The following VASN variants were observed in gnomAD, a reference collection of about 807,000 sequenced individuals.
The protein encoded by VASN is vasorin.
VASN carries 5 observed loss-of-function variants against 4.8 expected under a neutral mutation model. The ratio of observed to expected loss-of-function variants is 1.03; its 90% CI spans 0.54 to 2.17. VASN has a LOEUF of 2.17. Among genes scored for constraint, VASN ranks in the 30% most tolerant of loss-of-function variants. The pLI is 0.01. For missense variants in VASN, 927 were observed against 948.8 expected, an observed-to-expected ratio of 0.98 and a Z score of 0.30; for synonymous variants, 499 against 460.8, an observed-to-expected ratio of 1.08 and a Z score of -1.06.
At chr16:4,374,477 A>G (rs934037041) in intron 1 of VASN, among the ~76,000 whole-genome samples, 3 of 152,090 alleles carry the variant, frequency 2.0e-5, no homozygotes, top group African/African-American at 4.8e-5. Context: ...GGGGAATGCA[A>G]TAAGGTTCTG....
chr16:4,381,380 T>C lies in VASN; in HGVS notation c.503T>C (p.Leu168Pro). The C allele has an allele frequency of 6.3e-7, 1 of 1,585,408 alleles. No individual in the cohort carries two copies. The change falls in exon 2 of 2, where the codon CTG becomes CCG. Residue 168 changes from leucine to proline, a missense_variant. Physicochemically the swap from Leu to Pro is moderately conservative, Grantham distance 98 (BLOSUM62 -3). Coordinates refer to ENST00000304735, the MANE Select transcript of VASN (RefSeq NM_138440.3). ...CTGCGGGCACTGCCCCCGCTGCGCCTGCCCCGCCTGCTGCTGCTGGACCTC... is the reference window on the plus strand; with the variant it reads ...CTGCGGGCACTGCCCCCGCTGCGCCCGCCCCGCCTGCTGCTGCTGGACCTC... ...NELRALPPLR[L>P]PRLLLLDLSH...
In VASN at chr16:4,382,676, G is replaced by A. The variant is rs766817153; in HGVS notation, c.1799G>A (p.Arg600Gln). The A allele has an allele frequency of 2.4e-5, 37 of 1,546,704 alleles. No individual in the cohort carries two copies. Among genetic ancestry groups the A allele is most frequent in the Middle Eastern group, 3.5e-4 (2 of 5,786 alleles). The change falls in exon 2 of 2, where the codon CGG becomes CAG. Residue 600 changes from arginine (R) to glutamine (Q), a missense_variant. Transcript: ENST00000304735. ...GCGGTGGGGGCAGCCTACTGTGTGC[G>A]GCGGGGGCGGGCCATGGCAGCAGCG... The part of the protein sequence containing the change: ...LAAVGAAYCV[R>Q]RGRAMAAAAQ...
At position 4,381,434 on chromosome 16, in the gene VASN, C is replaced by T; in HGVS notation, c.557C>T (p.Pro186Leu). ...LSHNSLLALE[P>L]GILDTANVEA... ...CACAACAGCCTCCTGGCCCTGGAGC[C>T]CGGCATCCTGGACACTGCCAACGTG... is the stretch of plus-strand genomic sequence containing the variant. The change falls in exon 2 of 2, where the codon CCC (proline) becomes CTC (leucine). Residue 186 changes from proline to leucine, a missense_variant. Physicochemically the swap from Pro to Leu is moderately conservative, Grantham distance 98. Transcript: ENST00000304735. The T allele has an allele frequency of 6.3e-7, 1 of 1,580,138 alleles. No individual in the cohort carries two copies. Among genetic ancestry groups the T allele is most frequent in the East Asian group, 2.3e-5 (1 of 42,772 alleles).
Position 4,382,912 on chromosome 16 carries a change from C to G in VASN, c.*13C>G, listed in dbSNP as rs1291165739. The G allele has an allele frequency of 2.7e-6, 4 of 1,489,756 alleles. No homozygotes were observed. Among genetic ancestry groups the G allele is most frequent in the Non-Finnish European group, 3.6e-6 (4 of 1,120,502 alleles). The allele number at this position is 1,489,756 out of a possible 1,614,324, so 92.3% of individuals were successfully genotyped here. A position where few individuals can be genotyped will look rare whatever the true frequency, so the allele number is the denominator to read the frequency against. ...GCCCTACATCTAAGCCAGAGAGAGA[C>G]AGGGCAGCTGGGGCCGGGCTCTCAG... On this transcript the variant is annotated 3_prime_UTR_variant, in exon 2 of 2. Coordinates refer to ENST00000304735, the MANE Select transcript of VASN (RefSeq NM_138440.3).
rs762870692 is a variant in VASN at position 4,381,370 on chromosome 16, C to G, written c.493C>G (p.Pro165Ala). ...LQDNELRALP[P>A]LRLPRLLLLD... ...GGACAACGAGCTGCGGGCACTGCCCCCGCTGCGCCTGCCCCGCCTGCTGCT... is the reference window on the plus strand; with the variant it reads ...GGACAACGAGCTGCGGGCACTGCCCGCGCTGCGCCTGCCCCGCCTGCTGCT... Residue 165 changes from proline (P) to alanine (A), a missense_variant, in exon 2 of 2, where the codon CCG (proline) becomes GCG (alanine). Transcript: ENST00000304735. 1.1e-5 allele frequency: 18 copies of G among 1,592,978 alleles called. No individual in the cohort carries two copies. Among genetic ancestry groups the G allele is most frequent in the East Asian group, 2.3e-5 (1 of 43,084 alleles).
At chr16:4,374,086 C>CGTGTGTGTGTGTGTGTGTGTGTGTGTGT (rs112578905) in intron 1 of VASN, among the ~76,000 whole-genome samples, 5 of 148,702 alleles carry the variant, frequency 3.4e-5, no homozygotes, top group African/African-American at 9.9e-5. Flanking sequence ...GGAGGGTGCA[C>CGTGTGTGTGTGTGTGTGTGTGTGTGTGT]GTGTGTGTGT....
intron 1 of VASN, among the ~76,000 whole-genome samples, chr16:4,378,208 G>A (rs747562739): frequency 1.8e-4 from 27 of 152,176 alleles, no homozygotes; most frequent in Non-Finnish European, 2.8e-4. Context: ...TGAAGAAACC[G>A]AGGTGTGAGA....
chr16:4,372,364 T>G (rs1044957318), intron 1 of VASN, among the ~76,000 whole-genome samples: 8 of 152,214 alleles, frequency 5.3e-5, no homozygotes, highest in Non-Finnish European at 7.3e-5. Context: ...CAGGCTTGGG[T>G]CACTTTTCCC....
rs549093548 is a variant in VASN, at chr16:4,379,819, G to A, written c.-9-1050G>A. 2.0e-5 allele frequency among the ~76,000 whole-genome samples: 3 copies of A among 147,910 alleles called. No homozygotes were observed. The East Asian group carries it at 6.0e-4, about 30-fold the overall frequency. ...GCACTTTTGGAGGCTGAGGCGGGCA[G>A]ATCACCTGAGGTCAGGAGTTCCAGA... is the stretch of plus-strand genomic sequence containing the variant. On this transcript the variant is annotated intron_variant, in intron 1 of 1. Coordinates refer to ENST00000304735, the MANE Select transcript of VASN (RefSeq NM_138440.3).
At position 4,382,494 on chromosome 16, in the gene VASN, GC is replaced by G. The variant is rs1167049686; in HGVS notation, c.1620del (p.Arg542GlyfsTer86). The G allele has an allele frequency of 2.5e-6, 4 of 1,596,640 alleles. No individual in the cohort carries two copies. Among genetic ancestry groups the G allele is most frequent in the Non-Finnish European group, 2.6e-6 (3 of 1,171,360 alleles). On this transcript the variant is annotated frameshift_variant, in exon 2 of 2. Coordinates refer to ENST00000304735, the MANE Select transcript of VASN (RefSeq NM_138440.3). LOFTEE classifies it high-confidence loss of function. The part of the protein sequence containing the change: ...TYSVCVMPLG[P>X]GRVPEGEEAC... The stretch of plus-strand genomic sequence containing the variant: ...ACTCCGTCTGTGTCATGCCTTTGGG[GC>G]CCGGGCGGGTGCCGGAGGGCGAGGA...
intron 1 of VASN, among the ~76,000 whole-genome samples, chr16:4,372,745 C>T (rs150427320): frequency 2.0e-5 from 3 of 152,310 alleles, no homozygotes; most frequent in Non-Finnish European, 4.4e-5. Flanking sequence ...TGGTGCCAAC[C>T]ATTCTGCCTC....
Position 4,380,896 on chromosome 16 carries a change from C to G in VASN, c.19C>G (p.Leu7Val). 6.5e-7 allele frequency: 1 copy of G among 1,549,324 alleles called. No homozygotes were observed. Among genetic ancestry groups the G allele is most frequent in the Non-Finnish European group, 8.7e-7 (1 of 1,154,620 alleles). Residue 7 changes from leucine (L) to valine (V), a missense_variant, in exon 2 of 2, where the codon CTG becomes GTG. Leu to Val is a conservative substitution (Grantham distance 32). Transcript: ENST00000304735. ...ACAGAAGATGTGCTCCAGGGTCCCT[C>G]TGCTGCTGCCGCTGCTCCTGCTACT... Reference protein sequence around the residue: MCSRVPLLLPLLLLLAL... With the variant: MCSRVPVLLPLLLLLAL...
intron 1 of VASN, among the ~76,000 whole-genome samples, chr16:4,373,879 C>T (rs1342863789): frequency 6.6e-6 from 1 of 152,060 alleles, no homozygotes; most frequent in Non-Finnish European, 1.5e-5. Context: ...ACAGGGATGG[C>T]TATCCCTGAC....
chr16:4,375,893 C>T (rs1203583395), intron 1 of VASN, among the ~76,000 whole-genome samples: 2 of 152,162 alleles, frequency 1.3e-5, no homozygotes, highest in Non-Finnish European at 2.9e-5. Context: ...AAAGCCCTGG[C>T]GTCACAGGTG....
At position 4,377,793 on chromosome 16, in the gene VASN, G is replaced by A. The variant is rs190388586; in HGVS notation, c.-9-3076G>A. ...CCCTCCTCCCTTTGATGTGGGGGTA[G>A]AATTGGGGCTCAGGCAAAAGAGCTC... On this transcript the variant is annotated intron_variant, in intron 1 of 1. Transcript: ENST00000304735. Among the ~76,000 whole-genome samples the A allele has an allele frequency of 2.2e-3, 333 of 152,320 alleles. 3 individuals carry two copies. The highest frequency in any genetic ancestry group is 7.8e-3 in the African/African-American group (323 of 41,568).
In VASN at chr16:4,381,735, C is replaced by A; in HGVS notation, c.858C>A (p.Leu286=). The A allele has an allele frequency of 6.2e-7, 1 of 1,605,300 alleles. No homozygotes were observed. Among genetic ancestry groups the A allele is most frequent in the Non-Finnish European group, 8.5e-7 (1 of 1,179,440 alleles). ...CCCTGCCTGGCGACCTCTCGGGCCTCTTCCCCCGCCTGCGGCTGCTGGCAG... is the reference window on the plus strand; with the variant it reads ...CCCTGCCTGGCGACCTCTCGGGCCTATTCCCCCGCCTGCGGCTGCTGGCAG... ...LQALPGDLSG[L]FPRLRLLAAA... Residue 286 remains leucine, a synonymous_variant, in exon 2 of 2, where the codon CTC becomes CTA. Coordinates refer to ENST00000304735, the MANE Select transcript of VASN (RefSeq NM_138440.3).
rs542184040 is a variant in VASN, at chr16:4,383,103, C to T, written c.*204C>T. The T allele has an allele frequency of 1.9e-4, 111 of 598,128 alleles. No homozygotes were observed. In the African/African-American group the frequency reaches 1.9e-3, roughly 10 times the overall value. The allele number at this position is 598,128 out of a possible 1,614,324, so 37.1% of individuals were successfully genotyped here. On this transcript the variant is annotated 3_prime_UTR_variant, in exon 2 of 2. Coordinates refer to ENST00000304735, the MANE Select transcript of VASN (RefSeq NM_138440.3). ...CTGTGGCCCAGCTGACGAGCCCTAA[C>T]GTCCCCAGAACCGAGTGCCTATGAG...
rs113954688 is a variant in VASN at position 4,381,524 on chromosome 16, G to A, written c.647G>A (p.Arg216His). Residue 216 changes from arginine (R) to histidine (H), a missense_variant, in exon 2 of 2, where the codon CGC (arginine) becomes CAC (histidine). Physicochemically the swap from Arg to His is conservative, Grantham distance 29 (BLOSUM62 0). Coordinates refer to ENST00000304735, the MANE Select transcript of VASN (RefSeq NM_138440.3). ...GACGAGGGGCTCTTCAGCCGCTTGCGCAACCTCCACGACCTGGATGTGTCC... is the reference window on the plus strand; with the variant it reads ...GACGAGGGGCTCTTCAGCCGCTTGCACAACCTCCACGACCTGGATGTGTCC... ...QLDEGLFSRL[R>H]NLHDLDVSDN... 3.5e-5 allele frequency: 56 copies of A among 1,601,180 alleles called. 2 individuals carry two copies. The highest frequency in any genetic ancestry group is 2.3e-4 in the African/African-American group (17 of 74,790).
chr16:4,382,211 TG>T lies in VASN; in HGVS notation c.1338del (p.Gln447ArgfsTer18). ...GFTGLYCESQMGQGTRPSPTP... is the reference protein window; with the variant it reads ...GFTGLYCESQXGQGTRPSPTP... ...ACGGGCCTGTACTGTGAGAGCCAGATGGGGCAGGGGACACGGCCCAGCCCTA... is the reference window on the plus strand; with the variant it reads ...ACGGGCCTGTACTGTGAGAGCCAGATGGGCAGGGGACACGGCCCAGCCCTA... On this transcript the variant is annotated frameshift_variant, in exon 2 of 2. Coordinates refer to ENST00000304735, the MANE Select transcript of VASN (RefSeq NM_138440.3). LOFTEE classifies it high-confidence loss of function. 1 of 1,604,326 alleles carries T rather than the reference TG, an allele frequency of 6.2e-7. No homozygotes were observed.
Sources: allele counts gnomAD v4.1 joint callset (sites outside exome capture counted in the v4.1 genomes callset), GRCh38; gene constraint gnomAD v4.1.1; transcripts MANE v1.5; gene names NCBI Gene and HGNC (gene_info 2026-07-23, HGNC 2026-07-21).